PARD3B: variants seen among roughly 807,000 people sequenced by gnomAD.
The protein encoded by PARD3B is partitioning defective 3 homolog B.
A neutral mutation model predicts 130.2 loss-of-function variants in PARD3B; 103 were observed. The ratio of observed to expected loss-of-function variants is 0.79; its 90% CI spans 0.67 to 0.93. The LOEUF is 0.93. PARD3B is among the 40% of genes least tolerant of loss of function. The probability of loss-of-function intolerance (pLI) is 0.00; values close to 1 mark genes in which losing one functional copy is unlikely to be tolerated. For missense variants in PARD3B, 1,609 were observed against 1,499.2 expected, an observed-to-expected ratio of 1.07 and a Z score of -1.21; for synonymous variants, 583 against 553.2, an observed-to-expected ratio of 1.05 and a Z score of -0.76.
chr2:205,290,365 G>A (rs1053698669), intron 16 of PARD3B, among the ~76,000 whole-genome samples: 2 of 152,166 alleles, frequency 1.3e-5, no homozygotes, highest in Non-Finnish European at 2.9e-5. Flanking sequence ...CAAAGAAAAT[G>A]GGAGGAATTT....
rs1026024509 is a variant in PARD3B at position 204,799,648 on chromosome 2, C to G, written c.222+113366C>G. 6.6e-6 allele frequency among the ~76,000 whole-genome samples: 1 copy of G among 152,196 alleles called. No individual in the cohort carries two copies. The highest frequency in any genetic ancestry group is 2.4e-5 in the African/African-American group (1 of 41,452). On this transcript the variant is annotated intron_variant, in intron 2 of 22. Coordinates refer to ENST00000406610, the MANE Select transcript of PARD3B (RefSeq NM_001302769.2). The surrounding 1 kb of genome is among the most constrained non-coding windows in gnomAD (Gnocchi z 4.1). ...GTGTGCTCATGTTATCCCTCTCCAG[C>G]TCCAGGCAGCTCAGCACAGAGAAAG...
chr2:205,346,729 C>G (rs1365057619), intron 18 of PARD3B, among the ~76,000 whole-genome samples: 1 of 152,156 alleles, frequency 6.6e-6, no homozygotes, highest in Non-Finnish European at 1.5e-5. Flanking sequence ...CTTCATTTTT[C>G]ATTTATGTGA....
chr2:204,645,348 C>T lies in PARD3B; in HGVS notation c.121-40833C>T, dbSNP rs116153360. Among the ~76,000 whole-genome samples the T allele has an allele frequency of 9.1e-3, 1,381 of 152,098 alleles. 14 individuals carry two copies. The highest frequency in any genetic ancestry group is 0.013 in the Non-Finnish European group (884 of 67,960). On this transcript the variant is annotated intron_variant, in intron 1 of 22. Transcript: ENST00000406610. The stretch of plus-strand genomic sequence containing the variant: ...TTGACAGTTCTGTGCAGAATTTAGG[C>T]AATGACTCATACATATTTTGCTGAT...
At chr2:205,457,792 A>G (rs1334213380) in intron 20 of PARD3B, among the ~76,000 whole-genome samples, 3 of 152,126 alleles carry the variant, frequency 2.0e-5, no homozygotes, top group Non-Finnish European at 4.4e-5. Flanking sequence ...TACTCCTTTG[A>G]AGATACAGGT....
chr2:205,288,578 T>C lies in PARD3B; in HGVS notation c.2186-11952T>C, dbSNP rs1248892126. Among the ~76,000 whole-genome samples the C allele has an allele frequency of 2.6e-5, 4 of 152,230 alleles. No individual in the cohort carries two copies. The highest frequency in any genetic ancestry group is 5.9e-5 in the Non-Finnish European group (4 of 68,042). On this transcript the variant is annotated intron_variant, in intron 16 of 22. Transcript: ENST00000406610. The surrounding 1 kb of genome is among the most constrained non-coding windows in gnomAD (Gnocchi z 4.0). ...GTCCCCTAATTTGGGCCTTGCCTTC[T>C]TAGCCAGATTTCAAAGCCCTTCATG...
At chr2:205,501,721 A>G (rs1230194804) in intron 21 of PARD3B, among the ~76,000 whole-genome samples, 3 of 152,214 alleles carry the variant, frequency 2.0e-5, no homozygotes, top group African/African-American at 7.2e-5. Flanking sequence ...ACCTTATTTT[A>G]TATGATTTCC....
At chr2:205,303,881 C>T (rs1213272277) in intron 18 of PARD3B, among the ~76,000 whole-genome samples, 2 of 152,146 alleles carry the variant, frequency 1.3e-5, no homozygotes, top group Non-Finnish European at 2.9e-5. Context: ...CAGAAGTACC[C>T]CTTTCTATTA....
chr2:205,465,760 C>G (rs2106240167), intron 20 of PARD3B, among the ~76,000 whole-genome samples: 1 of 152,210 alleles, frequency 6.6e-6, no homozygotes, highest in Non-Finnish European at 1.5e-5. Context: ...AAAACCTGCC[C>G]CATTGAAGGA....
intron 2 of PARD3B, among the ~76,000 whole-genome samples, chr2:204,905,823 G>T (rs766073689): frequency 6.6e-6 from 1 of 152,132 alleles, no homozygotes; most frequent in African/African-American, 2.4e-5. Flanking sequence ...AGGGTTAGTC[G>T]GGGGAAAATG....
At chr2:205,050,535 A>G (rs1699118517) in intron 4 of PARD3B, among the ~76,000 whole-genome samples, 1 of 152,142 alleles carries the variant, frequency 6.6e-6, no homozygotes, top group South Asian at 2.1e-4. Context: ...TGTCTGATCC[A>G]AATGTAAATG....
intron 4 of PARD3B, among the ~76,000 whole-genome samples, chr2:205,085,150 A>G (rs1049928937): frequency 1.3e-5 from 2 of 152,042 alleles, no homozygotes; most frequent in Admixed American, 6.6e-5. Context: ...GTTGGAATTT[A>G]TTATATCTTT....
intron 2 of PARD3B, among the ~76,000 whole-genome samples, chr2:204,754,641 G>A (rs1219533506): frequency 1.3e-5 from 2 of 152,168 alleles, no homozygotes; most frequent in South Asian, 4.1e-4. Flanking sequence ...GCAATATCAG[G>A]AATAGATTTG....
intron 4 of PARD3B, among the ~76,000 whole-genome samples, chr2:205,089,280 C>A (rs1161278247): frequency 6.6e-6 from 1 of 151,940 alleles, no homozygotes; most frequent in Non-Finnish European, 1.5e-5. Flanking sequence ...AAGCGATTCT[C>A]CTGCCTCAGC....
intron 20 of PARD3B, among the ~76,000 whole-genome samples, chr2:205,443,083 C>T (rs190570561): frequency 2.0e-5 from 3 of 152,246 alleles, no homozygotes; most frequent in African/African-American, 4.8e-5. Flanking sequence ...TCAAGCAAGC[C>T]GATTTTGTCC....
intron 20 of PARD3B, among the ~76,000 whole-genome samples, chr2:205,498,925 T>G (rs2050048947): frequency 6.6e-6 from 1 of 152,176 alleles, no homozygotes; most frequent in Non-Finnish European, 1.5e-5. Flanking sequence ...GACTGTAGTC[T>G]TCTGTATCCC....
At chr2:204,821,049 A>G (rs962834090) in intron 2 of PARD3B, among the ~76,000 whole-genome samples, 22 of 152,176 alleles carry the variant, frequency 1.4e-4, no homozygotes, top group African/African-American at 5.1e-4. Context: ...TTCATTGACA[A>G]TGCACTTTGT....
chr2:205,521,634 AGTCTAC>A (rs1013577712), intron 21 of PARD3B, among the ~76,000 whole-genome samples: 44 of 152,126 alleles, frequency 2.9e-4, no homozygotes, highest in African/African-American at 1.1e-3. Context: ...TGAAAAAATA[AGTCTAC>A]ACTTACATGC....
intron 2 of PARD3B, among the ~76,000 whole-genome samples, chr2:204,865,777 C>T (rs1257129354): frequency 6.6e-6 from 1 of 152,036 alleles, no homozygotes; most frequent in Non-Finnish European, 1.5e-5. Flanking sequence ...CCCCAAAAAC[C>T]TATTGAAAGA....
chr2:205,615,805 G>A lies in PARD3B; in HGVS notation c.3610G>A (p.Ala1204Thr). 1.2e-6 allele frequency: 2 copies of A among 1,612,802 alleles called. No homozygotes were observed. The highest frequency in any genetic ancestry group is 1.7e-6 in the Non-Finnish European group (2 of 1,179,340). Reference sequence around the variant, plus strand: ...CCGGCAGAAGAACCCCATGACTGCAGCCGTATAGCTGAGTGCCACCGAGGC... The same window carrying A: ...CCGGCAGAAGAACCCCATGACTGCAACCGTATAGCTGAGTGCCACCGAGGC... Reference protein sequence around the residue: ...DSRQKNPMTAAV With the variant: ...DSRQKNPMTATV The change falls in exon 23 of 23, where the codon GCC becomes ACC. Residue 1204 changes from alanine to threonine, a missense_variant. Ala to Thr is a moderately conservative substitution (Grantham distance 58). Coordinates refer to ENST00000406610, the MANE Select transcript of PARD3B (RefSeq NM_001302769.2).
Sources: gnomAD v4.1 joint callset for allele counts (sites outside exome capture counted in the v4.1 genomes callset) on GRCh38, gnomAD v4.1.1 for gene constraint, Gnocchi (gnomAD v3.1) non-coding constraint, MANE v1.5 for transcripts, NCBI Gene and HGNC (gene_info 2026-07-23, HGNC 2026-07-21) for gene names.